The following TENM2 variants were observed in gnomAD, a reference collection of about 807,000 sequenced individuals.
TENM2 encodes teneurin-2.
TENM2 carries 52 observed loss-of-function variants against 245.2 expected under a neutral mutation model. The observed-to-expected ratio is 0.21, with a 90% CI of 0.17 to 0.27. The LOEUF is 0.27. Among genes scored for constraint, TENM2 ranks in the 10% least tolerant of loss-of-function variants. The pLI, the probability that TENM2 is intolerant of heterozygous loss-of-function variation, is 1.00. For missense variants in TENM2, 3,046 were observed against 3,666.8 expected, an observed-to-expected ratio of 0.83 and a Z score of 4.37; for synonymous variants, 1,363 against 1,438.9, an observed-to-expected ratio of 0.95 and a Z score of 1.19.
chr5:167,873,510 A>G (rs1451288637), intron 2 of TENM2, among the ~76,000 whole-genome samples: 1 of 152,132 alleles, frequency 6.6e-6, no homozygotes, highest in East Asian at 1.9e-4. Context: ...CAGTTTCCTC[A>G]TGTATGAAAT....
intron 2 of TENM2, among the ~76,000 whole-genome samples, chr5:167,398,605 A>G (rs1278790690): frequency 6.6e-6 from 1 of 151,676 alleles, no homozygotes; most frequent in African/African-American, 2.4e-5. Flanking sequence ...ATGCCCAGCT[A>G]ATTTTGGTAT....
In TENM2 at chr5:167,829,807, T is replaced by A. The variant is rs567636059; in HGVS notation, c.503-46179T>A. 2.6e-5 allele frequency among the ~76,000 whole-genome samples: 4 copies of A among 152,246 alleles called. 1 individual carries two copies. In the South Asian group the frequency reaches 8.3e-4, roughly 32 times the overall value. On this transcript the variant is annotated intron_variant, in intron 2 of 28. Transcript: ENST00000518659. ...CTGACAAAGGCAGGCACAGAAAGTT[T>A]ACCTAAAGCAGACTTTCATTAGCTG...
At chr5:167,987,067 AT>A (rs1236686245) in intron 4 of TENM2, among the ~76,000 whole-genome samples, 2 of 152,202 alleles carry the variant, frequency 1.3e-5, no homozygotes, top group East Asian at 3.9e-4. Context: ...GATTGCTATC[AT>A]TTTGCCACAT....
intron 7 of TENM2, among the ~76,000 whole-genome samples, chr5:168,066,727 CCTA>C (rs1367192261): frequency 1.3e-5 from 2 of 152,110 alleles, no homozygotes; most frequent in Admixed American, 6.5e-5. Context: ...TCATTCTTAG[CCTA>C]CTAACTCAAA....
intron 3 of TENM2, among the ~76,000 whole-genome samples, chr5:167,877,844 G>A (rs1773557235): frequency 6.6e-6 from 1 of 151,912 alleles, no homozygotes; most frequent in African/African-American, 2.4e-5. Context: ...TTTTTTTGCT[G>A]CAGAGATTAT....
At chr5:167,745,854 A>T (rs1458312262) in intron 2 of TENM2, among the ~76,000 whole-genome samples, 1 of 152,190 alleles carries the variant, frequency 6.6e-6, no homozygotes, top group East Asian at 1.9e-4. Flanking sequence ...TATTCTGCTG[A>T]TACAGGTTTA....
At chr5:168,137,010 C>T (rs964925407) in intron 12 of TENM2, among the ~76,000 whole-genome samples, 3 of 152,164 alleles carry the variant, frequency 2.0e-5, no homozygotes, top group African/African-American at 7.2e-5. Context: ...CAAACAGTTT[C>T]AGCACAGCTC....
intron 10 of TENM2, among the ~76,000 whole-genome samples, chr5:168,119,614 A>G (rs566299781): frequency 5.9e-5 from 9 of 152,268 alleles, no homozygotes; most frequent in African/African-American, 1.9e-4. Flanking sequence ...AGGTAAGACC[A>G]TAGACCCTCT....
chr5:167,608,129 A>G (rs1453333226), intron 2 of TENM2, among the ~76,000 whole-genome samples: 2 of 152,160 alleles, frequency 1.3e-5, no homozygotes, highest in Non-Finnish European at 2.9e-5. Flanking sequence ...ATGTCGCGCT[A>G]ATGCTTAATA....
At chr5:168,241,911 G>A (rs1408195758) in intron 25 of TENM2, among the ~76,000 whole-genome samples, 2 of 152,138 alleles carry the variant, frequency 1.3e-5, no homozygotes, top group Non-Finnish European at 2.9e-5. Context: ...TGATCTGAAA[G>A]GAGCTTAGGG....
At chr5:167,929,131 AAAGAAAG>A (rs2151692939) in intron 3 of TENM2, among the ~76,000 whole-genome samples, 1 of 136,722 alleles carries the variant, frequency 7.3e-6, no homozygotes, top group Admixed American at 7.3e-5. Flanking sequence ...GAAAGAAAGA[AAAGAAAG>A]AAGGGAGGGA....
the TENM2 span, among the ~76,000 whole-genome samples, chr5:167,155,775 C>T: frequency 6.6e-6 from 1 of 152,230 alleles, no homozygotes; most frequent in Non-Finnish European, 1.5e-5. Flanking sequence ...TCAGTACATT[C>T]ACTCTGCAAG....
chr5:167,467,999 C>T lies in TENM2; in HGVS notation c.502+92526C>T, dbSNP rs1582131513. Among the ~76,000 whole-genome samples the T allele has an allele frequency of 2.6e-5, 4 of 152,144 alleles. No homozygotes were observed. In the South Asian group the frequency reaches 6.2e-4, roughly 24 times the overall value. The stretch of plus-strand genomic sequence containing the variant: ...TCGCCCAGGCTGGAGTGCAGTGGCA[C>T]GATCTCGGCTCATTGCAACCTCTGC... On this transcript the variant is annotated intron_variant, in intron 2 of 28. Transcript: ENST00000518659.
chr5:167,321,447 T>C (rs1246225507), intron 1 of TENM2, among the ~76,000 whole-genome samples: 2 of 152,156 alleles, frequency 1.3e-5, no homozygotes, highest in Non-Finnish European at 2.9e-5. Flanking sequence ...GAGACATTTT[T>C]CCCCTTCTGC....
Position 167,649,634 on chromosome 5 carries a change from TG to T in TENM2, c.503-226349del, listed in dbSNP as rs147281695. On this transcript the variant is annotated intron_variant, in intron 2 of 28. Coordinates refer to ENST00000518659, the Ensembl canonical transcript of TENM2. The stretch of plus-strand genomic sequence containing the variant: ...AAACCCATTTAAAGCGGTGCTGTAA[TG>T]GGACTGTTCCCTTGGAAAACACAGA... 5.6e-3 allele frequency among the ~76,000 whole-genome samples: 856 copies of T among 152,306 alleles called. 5 individuals are homozygous for T. The highest frequency in any genetic ancestry group is 0.03 in the East Asian group (157 of 5,166).
At chr5:168,035,068 A>G (rs1349724302) in intron 5 of TENM2, among the ~76,000 whole-genome samples, 4 of 152,224 alleles carry the variant, frequency 2.6e-5, no homozygotes, top group Non-Finnish European at 4.4e-5. Flanking sequence ...CCAGATTTTG[A>G]AGACTTAGTG....
At chr5:167,560,198 G>A (rs1283298647) in intron 2 of TENM2, among the ~76,000 whole-genome samples, 1 of 152,150 alleles carries the variant, frequency 6.6e-6, no homozygotes, top group Admixed American at 6.5e-5. Context: ...ATCAAAACCT[G>A]CATTTTAACA....
intron 6 of TENM2, among the ~76,000 whole-genome samples, chr5:168,053,710 A>G (rs1387833306): frequency 6.6e-6 from 1 of 152,244 alleles, no homozygotes; most frequent in East Asian, 1.9e-4. Flanking sequence ...ACCATTTTAT[A>G]TAAAGAGCTT....
chr5:167,939,514 A>G lies in TENM2; in HGVS notation c.713-13074A>G, dbSNP rs183101469. 5.1e-4 allele frequency among the ~76,000 whole-genome samples: 78 copies of G among 152,318 alleles called. 1 individual carries two copies. Among genetic ancestry groups the G allele is most frequent in the Middle Eastern group, 3.4e-3 (1 of 294 alleles). ...CTATCCAAGCTCTATTTCCCCATGT[A>G]TAAATCAGAGAAGCTTATAACAATT... On this transcript the variant is annotated intron_variant, in intron 3 of 28. Coordinates refer to ENST00000518659, the Ensembl canonical transcript of TENM2.
Sources: gnomAD v4.1 joint callset for allele counts (sites outside exome capture counted in the v4.1 genomes callset) on GRCh38, gnomAD v4.1.1 for gene constraint, MANE v1.5 for transcripts, NCBI Gene and HGNC (gene_info 2026-07-23, HGNC 2026-07-21) for gene names.